MAST3: variants seen among roughly 807,000 people sequenced by gnomAD.
The protein encoded by MAST3 is microtubule associated serine/threonine kinase 3.
In MAST3, 43 loss-of-function variants were observed where a neutral mutation model predicts 127.0. The ratio of observed to expected loss-of-function variants is 0.34; its 90% confidence interval spans 0.27 to 0.44. The LOEUF is 0.44. MAST3 is among the 20% of genes least tolerant of loss of function. The pLI is 1.00. For synonymous variants in MAST3, 785 were observed against 809.2 expected (o/e 0.97, Z 0.51); for missense variants, 1,390 against 1,919.1 (o/e 0.72, Z 5.15).
chr19:18,097,956 C>A, intron 1 of MAST3, 125 bp downstream of exon 1: 1 of 729,796 alleles, frequency 1.4e-6, no homozygotes, highest in Non-Finnish European at 1.9e-6. Context: ...GTGGGGAACG[C>A]TCAGATCGCT....
intron 3 of MAST3, among the ~76,000 whole-genome samples, chr19:18,120,115 G>A (rs1256532128): frequency 1.3e-5 from 2 of 152,216 alleles, no homozygotes; most frequent in Non-Finnish European, 2.9e-5. Context: ...ACCTGGGCCA[G>A]GGATCTGGTG....
intron 15 of MAST3, 46 bp downstream of exon 15, chr19:18,132,093 G>A (rs370507117): frequency 6.2e-7 from 1 of 1,607,260 alleles, no homozygotes; most frequent in African/African-American, 1.3e-5. Context: ...GGCGGGGCCA[G>A]AGAGGATCAG....
rs1171258742 is a variant in MAST3, at chr19:18,139,022, G to A, written c.2103G>A (p.Ser701=). The A allele has an allele frequency of 1.1e-5, 18 of 1,589,898 alleles. No individual in the cohort carries two copies. Among genetic ancestry groups the A allele is most frequent in the African/African-American group, 4.0e-5 (3 of 74,224 alleles). Residue 701 remains serine, a synonymous_variant, in exon 20 of 28, where the codon TCG becomes TCA. Transcript: ENST00000687212. Reference sequence around the variant, plus strand: ...TGCCTCTCCCTCCCACAGCACGTTCGGAACGTTACCGCCATCTGGGCTCCG... The same window carrying A: ...TGCCTCTCCCTCCCACAGCACGTTCAGAACGTTACCGCCATCTGGGCTCCG... ...EDDTSYFDTR[S]ERYRHLGSED... is the part of the protein sequence containing the mutation.
rs758402300 is a variant in MAST3 at position 18,149,289 on chromosome 19, G to A, written c.3607G>A (p.Ala1203Thr). The part of the protein sequence containing the change: ...HTRPSSLHGL[A>T]AKLGPPRPKT... Reference sequence around the variant, plus strand: ...CCGCCCCAGCTCCCTGCACGGCCTGGCTGCCAAGCTTGGGCCACCCCGCCC... The same window carrying A: ...CCGCCCCAGCTCCCTGCACGGCCTGACTGCCAAGCTTGGGCCACCCCGCCC... Residue 1203 changes from alanine to threonine, a missense_variant, in exon 28 of 28, where the codon GCT becomes ACT. Ala to Thr is a moderately conservative substitution (Grantham distance 58). Coordinates refer to ENST00000687212, the MANE Select transcript of MAST3 (RefSeq NM_001393504.1). This position sits in a 1 kb window ranked among gnomAD's most constrained non-coding sequence, Gnocchi z 5.9. 1.3e-6 allele frequency: 2 copies of A among 1,538,546 alleles called. No individual in the cohort carries two copies. Among genetic ancestry groups the A allele is most frequent in the South Asian group, 1.2e-5 (1 of 82,470 alleles).
In MAST3 at chr19:18,110,896, A is replaced by T. The variant is rs376574769; in HGVS notation, c.161+155A>T. 8.5e-5 allele frequency among the ~76,000 whole-genome samples: 13 copies of T among 152,294 alleles called. No individual in the cohort carries two copies. Among genetic ancestry groups the T allele is most frequent in the African/African-American group, 3.1e-4 (13 of 41,566 alleles). On this transcript the variant is annotated intron_variant, in intron 3 of 27. Coordinates refer to ENST00000687212, the MANE Select transcript of MAST3 (RefSeq NM_001393504.1). The surrounding 1 kb of genome is among the most constrained non-coding windows in gnomAD (Gnocchi z 4.3). ...TACCCCTCCACATAATGGCACTGCGATACGTTCTAGGGGCTTAATGGGAAA... is the reference window on the plus strand; with the variant it reads ...TACCCCTCCACATAATGGCACTGCGTTACGTTCTAGGGGCTTAATGGGAAA...
chr19:18,122,216 C>A, intron 5 of MAST3: 1 of 794,332 alleles, frequency 1.3e-6, no homozygotes. Flanking sequence ...TTCATTCATT[C>A]ACTTAACAAG....
At chr19:18,125,038 T>C (rs1023717023) in intron 11 of MAST3, among the ~76,000 whole-genome samples, 1 of 151,730 alleles carries the variant, frequency 6.6e-6, no homozygotes, top group Admixed American at 6.6e-5. Flanking sequence ...ACTCAGGAGA[T>C]GGAGGTTGCA....
At position 18,124,770 on chromosome 19, in the gene MAST3, G is replaced by A. The variant is rs1193513816; in HGVS notation, c.1074G>A (p.Leu358=). ...IGQLGLAKDP[L]EEMVPLSHLE... is the part of the protein sequence containing the mutation. ...AGCTGGGCCTGGCCAAGGACCCCCT[G>A]GAGGGTAAGCCGGGATGGGAAGAGG... Residue 358 remains leucine, a synonymous_variant, in exon 11 of 28, where the codon CTG becomes CTA. Coordinates refer to ENST00000687212, the MANE Select transcript of MAST3 (RefSeq NM_001393504.1). 5.0e-6 allele frequency: 8 copies of A among 1,594,396 alleles called. No individual in the cohort carries two copies. The highest frequency in any genetic ancestry group is 6.8e-6 in the Non-Finnish European group (8 of 1,170,168).
intron 3 of MAST3, among the ~76,000 whole-genome samples, chr19:18,113,103 G>A (rs59167271): frequency 0.014 from 2,183 of 152,222 alleles, 48 homozygotes; most frequent in African/African-American, 0.049. Flanking sequence ...TTTTAACTGG[G>A]AGGGGAGGGA....
intron 2 of MAST3, among the ~76,000 whole-genome samples, chr19:18,108,487 C>T (rs1177018333): frequency 6.6e-6 from 1 of 151,822 alleles, no homozygotes; most frequent in Non-Finnish European, 1.5e-5. Flanking sequence ...GAGTCTCCCG[C>T]CTCAGCCTCC....
At position 18,105,413 on chromosome 19, in the gene MAST3, T is replaced by C. The variant is rs149344048; in HGVS notation, c.40-2174T>C. Among the ~76,000 whole-genome samples the C allele has an allele frequency of 4.2e-4, 63 of 151,448 alleles. 2 individuals carry two copies. The East Asian group carries it at 0.012, about 28-fold the overall frequency. On this transcript the variant is annotated intron_variant, in intron 1 of 27. Coordinates refer to ENST00000687212, the MANE Select transcript of MAST3 (RefSeq NM_001393504.1). ...AAACTGGTTTTTTGGCCAGGCATGG[T>C]GGCTTATGCCTGTAATCCCAGCATT... is the stretch of plus-strand genomic sequence containing the variant.
intron 3 of MAST3, chr19:18,118,357 T>G: frequency 1.4e-6 from 1 of 690,176 alleles, no homozygotes; most frequent in Non-Finnish European, 1.8e-6. Flanking sequence ...CGAGCGTCTG[T>G]CTGTGGCAGC....
intron 1 of MAST3, 94 bp from the exon 2 acceptor site, chr19:18,107,493 G>T: frequency 8.1e-7 from 1 of 1,239,148 alleles, no homozygotes; most frequent in South Asian, 1.2e-5. Context: ...CATTGGTTGG[G>T]GCATGGGATT....
chr19:18,143,677 A>T, intron 21 of MAST3, 86 bp from the exon 22 acceptor site: 1 of 1,535,312 alleles, frequency 6.5e-7, no homozygotes, highest in Non-Finnish European at 8.8e-7. Context: ...CTGCAGACTG[A>T]GAGTTAAGAT....
Position 18,150,432 on chromosome 19 carries a change from T to G in MAST3, c.*706T>G, listed in dbSNP as rs1226553053. The G allele has an allele frequency of 3.3e-5, 5 of 152,290 alleles. No individual in the cohort carries two copies. Among genetic ancestry groups the G allele is most frequent in the Admixed American group, 1.3e-4 (2 of 15,282 alleles). The allele number at this position is 152,290 out of a possible 1,614,324, so 9.4% of individuals were successfully genotyped here. On this transcript the variant is annotated 3_prime_UTR_variant, in exon 28 of 28. Transcript: ENST00000687212. Reference sequence around the variant, plus strand: ...GCACTTTGGACAAGTCATCTGTGTTTGTGTTTTCCAGTTTTTCTGTACTTT... The same window carrying G: ...GCACTTTGGACAAGTCATCTGTGTTGGTGTTTTCCAGTTTTTCTGTACTTT...
chr19:18,124,938 C>CCCG (rs544514568), intron 11 of MAST3, among the ~76,000 whole-genome samples, 164 bp downstream of exon 11: 11 of 136,076 alleles, frequency 8.1e-5, no homozygotes, highest in South Asian at 6.7e-4. Context: ...GAAACCCCCC[C>CCCG]CCTACTAAAA....
chr19:18,115,845 C>T (rs1035004015), intron 3 of MAST3, among the ~76,000 whole-genome samples: 3 of 152,234 alleles, frequency 2.0e-5, no homozygotes, highest in Non-Finnish European at 4.4e-5. Flanking sequence ...TCCTACAATA[C>T]AATTGCACTC....
At chr19:18,121,128 T>C (rs544622319) in intron 3 of MAST3, among the ~76,000 whole-genome samples, 5 of 152,274 alleles carry the variant, frequency 3.3e-5, no homozygotes, top group African/African-American at 9.6e-5. Context: ...AGTGCTGGGA[T>C]TACAGGGATG....
At position 18,134,678 on chromosome 19, in the gene MAST3, C is replaced by G. The variant is rs376949779; in HGVS notation, c.1671C>G (p.Ile557Met). The G allele has an allele frequency of 2.5e-6, 4 of 1,613,604 alleles. No homozygotes were observed. The highest frequency in any genetic ancestry group is 2.7e-5 in the African/African-American group (2 of 74,924). The change falls in exon 16 of 28, where the codon ATC becomes ATG. Residue 557 changes from isoleucine (I) to methionine (M), a missense_variant. Physicochemically the swap from Ile to Met is conservative, Grantham distance 10. This residue lies in a region of MAST3 where 191 missense variants were observed against 409.0 expected (regional missense o/e 0.47). Coordinates refer to ENST00000687212, the MANE Select transcript of MAST3 (RefSeq NM_001393504.1). ...SMATNLYEGHIEKDAREFIDK... is the reference protein window; with the variant it reads ...SMATNLYEGHMEKDAREFIDK... ...CCACCAACCTCTATGAGGGCCACATCGAGAAGGACGCCCGAGAGTTCATCG... is the reference window on the plus strand; with the variant it reads ...CCACCAACCTCTATGAGGGCCACATGGAGAAGGACGCCCGAGAGTTCATCG...
Sources: allele counts gnomAD v4.1 joint callset (sites outside exome capture counted in the v4.1 genomes callset), GRCh38; gene constraint gnomAD v4.1.1; regional missense constraint gnomAD v4.1.1; non-coding constraint Gnocchi (gnomAD v3.1); transcripts MANE v1.5; gene names NCBI Gene and HGNC (gene_info 2026-07-23, HGNC 2026-07-21).